The following JAK1 variants were observed in gnomAD, a reference collection of about 807,000 sequenced individuals.
The protein encoded by JAK1 is Janus kinase 1, also known as tyrosine-protein kinase JAK1.
In JAK1, 16 loss-of-function variants were observed where a neutral mutation model predicts 136.6. The observed-to-expected ratio is 0.12, with a 90% CI of 0.08 to 0.18. The LOEUF is 0.18. Among genes scored for constraint, JAK1 ranks in the 10% least tolerant of loss-of-function variants. JAK1 has a pLI of 1.00. For missense variants in JAK1, 859 were observed against 1,450.1 expected, an observed-to-expected ratio of 0.59 and a Z score of 6.62; for synonymous variants, 492 against 519.5, an observed-to-expected ratio of 0.95 and a Z score of 0.72.
intron 1 of JAK1, among the ~76,000 whole-genome samples, chr1:64,954,746 A>T (rs1646151831): frequency 6.6e-6 from 1 of 152,250 alleles, no homozygotes; most frequent in Non-Finnish European, 1.5e-5. Flanking sequence ...GATTTAACAC[A>T]TGTGACAAGT....
At chr1:64,939,516 C>G (rs1645850613) in intron 1 of JAK1, among the ~76,000 whole-genome samples, 1 of 152,208 alleles carries the variant, frequency 6.6e-6, no homozygotes, top group South Asian at 2.1e-4. Context: ...AAAAGACTTA[C>G]TCATTTATAA....
intron 1 of JAK1, among the ~76,000 whole-genome samples, chr1:64,925,122 C>T (rs10889506): frequency 0.24 from 36,890 of 151,794 alleles, 5,819 homozygotes; most frequent in East Asian, 0.53. Flanking sequence ...CTAGGCTGGG[C>T]GCAGTGGCTC....
intron 1 of JAK1, chr1:65,066,593 C>T (rs1363368621): frequency 6.6e-6 from 1 of 152,106 alleles, no homozygotes; most frequent in Non-Finnish European, 1.5e-5. Context: ...ACTGACGGAC[C>T]CCTCTTCCCG....
intron 1 of JAK1, among the ~76,000 whole-genome samples, chr1:65,067,212 C>G (rs1328957428): frequency 3.3e-5 from 5 of 150,996 alleles, no homozygotes; most frequent in African/African-American, 1.2e-4. Context: ...GCGTGCGGTC[C>G]CCGGAGGAGG....
At chr1:64,985,712 G>T in intron 2 of JAK1, 1 of 705,358 alleles carries the variant, frequency 1.4e-6, no homozygotes, top group Non-Finnish European at 2.6e-6. Flanking sequence ...TGCAGAAGAG[G>T]CCAATAACCA....
chr1:64,886,772 AC>A (rs1644859401), intron 1 of JAK1, among the ~76,000 whole-genome samples: 1 of 146,822 alleles, frequency 6.8e-6, no homozygotes, highest in African/African-American at 2.6e-5. Flanking sequence ...ACACACACAC[AC>A]ACACACACAC....
At chr1:64,912,685 T>C (rs1645304788) in intron 1 of JAK1, among the ~76,000 whole-genome samples, 1 of 152,176 alleles carries the variant, frequency 6.6e-6, no homozygotes, top group Non-Finnish European at 1.5e-5. Context: ...GGGAGAACTT[T>C]GCCAAGGTCA....
intron 1 of JAK1, among the ~76,000 whole-genome samples, chr1:65,049,011 T>C (rs1021997542): frequency 6.6e-6 from 1 of 152,218 alleles, no homozygotes; most frequent in Non-Finnish European, 1.5e-5. Context: ...CAACGGGATC[T>C]ATTTCTAGAA....
At chr1:65,001,327 C>A (rs1646754306) in intron 2 of JAK1, among the ~76,000 whole-genome samples, 1 of 152,238 alleles carries the variant, frequency 6.6e-6, no homozygotes, top group Admixed American at 6.5e-5. Flanking sequence ...AGGGGCCCAG[C>A]CTCCGCCAGC....
chr1:65,002,657 T>C (rs764519108), intron 2 of JAK1, among the ~76,000 whole-genome samples: 4 of 152,204 alleles, frequency 2.6e-5, no homozygotes, highest in Admixed American at 6.5e-5. Context: ...CGGAGCCAGC[T>C]GGATGCGTCA....
At chr1:65,041,514 CTG>C (rs1647132405) in intron 2 of JAK1, among the ~76,000 whole-genome samples, 1 of 151,860 alleles carries the variant, frequency 6.6e-6, no homozygotes, top group African/African-American at 2.4e-5. Context: ...CCTGTGCTCT[CTG>C]TGTCGTCTCC....
intron 11 of JAK1, among the ~76,000 whole-genome samples, chr1:64,852,969 G>A (rs1655695606): frequency 6.6e-6 from 1 of 152,208 alleles, no homozygotes; most frequent in South Asian, 2.1e-4. Context: ...CACAGGACTA[G>A]AGATGTGGGA....
chr1:65,055,787 G>C (rs1275322962), intron 1 of JAK1, among the ~76,000 whole-genome samples: 1 of 152,158 alleles, frequency 6.6e-6, no homozygotes, highest in Admixed American at 6.5e-5. Flanking sequence ...CTAAGCCTCA[G>C]CCTTCTTGTT....
At chr1:65,040,661 C>T (rs1647123522) in intron 2 of JAK1, among the ~76,000 whole-genome samples, 2 of 152,114 alleles carry the variant, frequency 1.3e-5, no homozygotes, top group African/African-American at 2.4e-5. Context: ...CCCAGGTCCC[C>T]CTGTGCTCTG....
At chr1:64,974,345 A>C (rs918403428) in intron 2 of JAK1, 4 of 152,196 alleles carry the variant, frequency 2.6e-5, no homozygotes, top group Non-Finnish European at 5.9e-5. Context: ...ATACCAACTT[A>C]AGTTTAAATT....
intron 8 of JAK1, among the ~76,000 whole-genome samples, chr1:64,860,615 G>A (rs1304891870): frequency 6.6e-6 from 1 of 151,752 alleles, no homozygotes; most frequent in Non-Finnish European, 1.5e-5. Flanking sequence ...CATCACACCT[G>A]GCTAATTTTT....
intron 2 of JAK1, among the ~76,000 whole-genome samples, chr1:65,026,891 G>A (rs1444868292): frequency 6.6e-6 from 1 of 151,922 alleles, no homozygotes; most frequent in African/African-American, 2.4e-5. Flanking sequence ...GGTAGAGGCT[G>A]CAGTGAGCTG....
chr1:65,030,894 A>T (rs1040410402), intron 2 of JAK1, among the ~76,000 whole-genome samples: 1 of 151,880 alleles, frequency 6.6e-6, no homozygotes, highest in Non-Finnish European at 1.5e-5. Context: ...TGGCTCATGC[A>T]TGTGGTCCCA....
intron 1 of JAK1, among the ~76,000 whole-genome samples, chr1:64,912,658 T>C (rs12059545): frequency 1.3e-5 from 2 of 152,114 alleles, no homozygotes; most frequent in Non-Finnish European, 2.9e-5. Context: ...ACTACTCTCA[T>C]CCCCATTTTA....
Sources: gnomAD v4.1 joint callset for allele counts (sites outside exome capture counted in the v4.1 genomes callset) on GRCh38, gnomAD v4.1.1 for gene constraint, MANE v1.5 for transcripts, NCBI Gene and HGNC (gene_info 2026-07-23, HGNC 2026-07-21) for gene names.